CRACD: variants seen among roughly 807,000 people sequenced by gnomAD.
CRACD encodes capping protein-inhibiting regulator of actin dynamics.
CRACD carries 56 observed loss-of-function variants against 106.8 expected under a neutral mutation model. The ratio of observed to expected loss-of-function variants is 0.52; its 90% CI spans 0.42 to 0.66. The LOEUF (loss-of-function observed/expected upper bound fraction) is 0.66. CRACD is among the 30% of genes least tolerant of loss of function. The pLI is 0.00. For synonymous variants in CRACD, 754 were observed against 670.8 expected (o/e 1.12, Z -1.92); for missense variants, 1,730 against 1,623.2 (o/e 1.07, Z -1.13).
intron 1 of CRACD, among the ~76,000 whole-genome samples, chr4:56,071,302 TA>T (rs1307505138): frequency 6.6e-6 from 1 of 152,156 alleles, no homozygotes; most frequent in African/African-American, 2.4e-5. Flanking sequence ...TCCTTTCAGA[TA>T]GACACTTTTT....
intron 2 of CRACD, among the ~76,000 whole-genome samples, chr4:56,198,230 C>A (rs1370808756): frequency 5.3e-5 from 8 of 152,138 alleles, no homozygotes; most frequent in Non-Finnish European, 1.0e-4. Context: ...ATCCACCATA[C>A]GTCTTAAGCT....
At chr4:56,281,006 G>A (rs1362002255) in intron 3 of CRACD, among the ~76,000 whole-genome samples, 1 of 152,172 alleles carries the variant, frequency 6.6e-6, no homozygotes, top group Admixed American at 6.5e-5. Context: ...TAAAAATTAG[G>A]TACTAAGCAG....
intron 1 of CRACD, among the ~76,000 whole-genome samples, chr4:56,087,341 A>G (rs1484273239): frequency 6.6e-6 from 1 of 152,174 alleles, no homozygotes; most frequent in East Asian, 1.9e-4. Flanking sequence ...TTTGGCATTG[A>G]GAAATAGGAT....
intron 4 of CRACD, among the ~76,000 whole-genome samples, chr4:56,306,274 G>A: frequency 6.6e-6 from 1 of 151,998 alleles, no homozygotes; most frequent in Non-Finnish European, 1.5e-5. Flanking sequence ...TGGGCGGATT[G>A]CTTGAGACCA....
rs1745281579 is a variant in CRACD, at chr4:56,313,359, A to C, written c.517A>C (p.Lys173Gln). 1.9e-6 allele frequency: 3 copies of C among 1,613,982 alleles called. No homozygotes were observed. The highest frequency in any genetic ancestry group is 2.2e-5 in the East Asian group (1 of 44,886). ...GCCAAAAAAACAGAGGGTGTCAAAG[A>C]AGCACAGGCGCCTTGCCCAGGTGTG... The part of the protein sequence containing the change: ...VKPKKQRVSK[K>Q]HRRLAQDPQH... Residue 173 changes from lysine to glutamine, a missense_variant, in exon 7 of 11, where the codon AAG becomes CAG. Physicochemically the swap from Lys to Gln is moderately conservative, Grantham distance 53. This residue lies in a region of CRACD where 1,620 missense variants were observed against 1,481.6 expected (regional missense o/e 1.09). Coordinates refer to ENST00000682029, the MANE Select transcript of CRACD (RefSeq NM_001393381.1).
intron 1 of CRACD, among the ~76,000 whole-genome samples, chr4:56,071,488 G>T (rs1447904940): frequency 1.5e-5 from 2 of 137,702 alleles, no homozygotes; most frequent in Non-Finnish European, 3.1e-5. Flanking sequence ...GTTAGCACAG[G>T]TTGTATTTCT....
At chr4:56,117,244 A>G (rs1734325726) in intron 1 of CRACD, among the ~76,000 whole-genome samples, 1 of 151,626 alleles carries the variant, frequency 6.6e-6, no homozygotes, top group Admixed American at 6.6e-5. Flanking sequence ...GATGGTCTCT[A>G]TCTCCTGACC....
At chr4:56,184,018 G>C (rs1374830270) in intron 2 of CRACD, among the ~76,000 whole-genome samples, 1 of 151,920 alleles carries the variant, frequency 6.6e-6, no homozygotes, top group Non-Finnish European at 1.5e-5. Context: ...TATAAAGAAG[G>C]GGAAAAAAAG....
At chr4:56,288,524 G>T (rs547329821) in intron 3 of CRACD, 9 of 156,678 alleles carry the variant, frequency 5.7e-5, no homozygotes, top group African/African-American at 2.2e-4. Flanking sequence ...TGTCATCCTC[G>T]CACAGGGACC....
chr4:56,236,220 C>T (rs1479006), intron 2 of CRACD, among the ~76,000 whole-genome samples: 121,946 of 152,018 alleles, frequency 0.8, 50,845 homozygotes, highest in East Asian at 0.93. Flanking sequence ...ATGTGAAGGC[C>T]ACGTGAAGAG....
At chr4:56,067,085 A>G (rs1732488696) in intron 1 of CRACD, among the ~76,000 whole-genome samples, 1 of 152,192 alleles carries the variant, frequency 6.6e-6, no homozygotes, top group Non-Finnish European at 1.5e-5. Context: ...CCTAGGTCCC[A>G]AGATTATACA....
chr4:56,215,273 A>G (rs559727146), intron 2 of CRACD, among the ~76,000 whole-genome samples: 72 of 152,280 alleles, frequency 4.7e-4, no homozygotes, highest in African/African-American at 1.7e-3. Context: ...CTCTCACCTC[A>G]GCCTTCCAAA....
intron 1 of CRACD, among the ~76,000 whole-genome samples, chr4:56,160,194 T>G (rs906892877): frequency 6.6e-6 from 1 of 151,526 alleles, no homozygotes; most frequent in Non-Finnish European, 1.5e-5. Flanking sequence ...GATTTTTTTT[T>G]TTTTTTTTGA....
rs751049719 is a variant in CRACD, at chr4:56,316,239, G to A, written c.2737G>A (p.Ala913Thr). ...ATCCCTCCCCCAAGAGCGGAAGCAA[G>A]CCCCTTCCACCCGGAGGGACTCCGC... ...GPSLPQERKQ[A>T]PSTRRDSAEP... Residue 913 changes from alanine (A) to threonine (T), a missense_variant, in exon 8 of 11, where the codon GCC (alanine) becomes ACC (threonine). By Grantham distance (58) the Ala-to-Thr change is moderately conservative. Transcript: ENST00000682029. 1.2e-6 allele frequency: 2 copies of A among 1,613,980 alleles called. No individual in the cohort carries two copies. Among genetic ancestry groups the A allele is most frequent in the East Asian group, 4.5e-5 (2 of 44,864 alleles).
intron 4 of CRACD, among the ~76,000 whole-genome samples, chr4:56,306,138 T>A (rs915372670): frequency 3.3e-5 from 5 of 152,086 alleles, no homozygotes; most frequent in Non-Finnish European, 5.9e-5. Context: ...AGTGAGGGGT[T>A]TGGAGTAGGT....
chr4:56,307,718 A>G lies in CRACD; in HGVS notation c.285+19A>G, dbSNP rs368025560. 4.3e-5 allele frequency: 70 copies of G among 1,613,274 alleles called. No individual in the cohort carries two copies. The East Asian group carries it at 1.2e-3, about 27-fold the overall frequency. ...GAACAAGGTAAGTCTCCTCCAGGGAATGACTTGATGGCTCATAAACCAGGG... is the reference window on the plus strand; with the variant it reads ...GAACAAGGTAAGTCTCCTCCAGGGAGTGACTTGATGGCTCATAAACCAGGG... On this transcript the variant is annotated intron_variant, in intron 5 of 10. Coordinates refer to ENST00000682029, the MANE Select transcript of CRACD (RefSeq NM_001393381.1).
chr4:56,111,825 T>A (rs1262083727), intron 1 of CRACD, among the ~76,000 whole-genome samples: 3 of 152,102 alleles, frequency 2.0e-5, no homozygotes, highest in Non-Finnish European at 4.4e-5. Flanking sequence ...GCCTGAAAAG[T>A]TTGAAATATT....
At chr4:56,258,886 G>A (rs916419886) in intron 2 of CRACD, among the ~76,000 whole-genome samples, 3 of 152,140 alleles carry the variant, frequency 2.0e-5, no homozygotes, top group African/African-American at 4.8e-5. Flanking sequence ...AGATATTTGT[G>A]TCCCATATAA....
At chr4:56,134,751 G>A (rs1029089599) in intron 1 of CRACD, among the ~76,000 whole-genome samples, 1 of 152,170 alleles carries the variant, frequency 6.6e-6, no homozygotes, top group Non-Finnish European at 1.5e-5. Context: ...ACTATAGTAG[G>A]TAAGAAAATT....
Sources: allele counts gnomAD v4.1 joint callset (sites outside exome capture counted in the v4.1 genomes callset), GRCh38; gene constraint gnomAD v4.1.1; regional missense constraint gnomAD v4.1.1; transcripts MANE v1.5; gene names NCBI Gene and HGNC (gene_info 2026-07-23, HGNC 2026-07-21).